The following MINDY3 variants were observed in gnomAD, a reference collection of about 807,000 sequenced individuals.
MINDY3 encodes the protein ubiquitin carboxyl-terminal hydrolase MINDY-3.
A neutral mutation model predicts 69.2 loss-of-function variants in MINDY3; 38 were observed. The observed-to-expected ratio is 0.55, with a 90% CI of 0.42 to 0.72. The LOEUF is 0.72. Among genes scored for constraint, MINDY3 ranks in the 30% least tolerant of loss-of-function variants. The probability of loss-of-function intolerance (pLI) is 0.00; values close to 1 mark genes in which losing one functional copy is unlikely to be tolerated. For missense variants in MINDY3, 522 were observed against 519.0 expected (o/e 1.01, Z -0.06); for synonymous variants, 192 against 180.1 (o/e 1.07, Z -0.53).
chr10:15,826,118 C>T (rs972058955), intron 8 of MINDY3, among the ~76,000 whole-genome samples: 7 of 151,946 alleles, frequency 4.6e-5, no homozygotes, highest in South Asian at 2.1e-4. Context: ...TGGAATAGTA[C>T]GAAATGAAGA....
rs1027300808 is a variant in MINDY3, at chr10:15,841,830, A to G, written c.236-231T>C. The stretch of plus-strand genomic sequence containing the variant: ...AAATAACACCACCAAGTAGAAAAAG[A>G]ATACTGAAAAATGCAGAACTAAACA... On this transcript the variant is annotated intron_variant, in intron 3 of 14. Coordinates refer to ENST00000277632, the MANE Select transcript of MINDY3 (RefSeq NM_024948.4). Among the ~76,000 whole-genome samples, 3 of 151,776 alleles carry G rather than the reference A, an allele frequency of 2.0e-5. 1 individual carries two copies. Among genetic ancestry groups the G allele is most frequent in the Admixed American group, 2.0e-4 (3 of 15,230 alleles).
At chr10:15,781,077 T>A (rs1276742701) in intron 14 of MINDY3, among the ~76,000 whole-genome samples, 1 of 152,164 alleles carries the variant, frequency 6.6e-6, no homozygotes, top group African/African-American at 2.4e-5. Flanking sequence ...AAACTCTAGA[T>A]GAAGCACTCA....
At chr10:15,811,659 C>T (rs1264982607) in intron 10 of MINDY3, among the ~76,000 whole-genome samples, 1 of 152,080 alleles carries the variant, frequency 6.6e-6, no homozygotes, top group Non-Finnish European at 1.5e-5. Flanking sequence ...TCAATTTGTG[C>T]TTCATCTTAC....
intron 11 of MINDY3, 104 bp downstream of exon 11, chr10:15,795,996 T>G: frequency 1.1e-6 from 1 of 886,234 alleles, no homozygotes; most frequent in Non-Finnish European, 1.8e-6. Flanking sequence ...AACTTACATT[T>G]CATTAAATAA....
At chr10:15,853,923 A>T (rs1388233197) in intron 1 of MINDY3, among the ~76,000 whole-genome samples, 5 of 152,072 alleles carry the variant, frequency 3.3e-5, no homozygotes, top group Admixed American at 3.3e-4. Context: ...CACTACTGTG[A>T]CTCTGACAGC....
chr10:15,815,603 G>A (rs1839299643), intron 10 of MINDY3, among the ~76,000 whole-genome samples: 1 of 152,094 alleles, frequency 6.6e-6, no homozygotes, highest in South Asian at 2.1e-4. Flanking sequence ...CGAACATTCA[G>A]CAACCTATCA....
intron 11 of MINDY3, among the ~76,000 whole-genome samples, chr10:15,793,252 C>G (rs143870484): frequency 2.0e-5 from 3 of 152,220 alleles, no homozygotes; most frequent in Non-Finnish European, 4.4e-5. Flanking sequence ...TTGAATAGAC[C>G]TGATAACTGC....
intron 9 of MINDY3, among the ~76,000 whole-genome samples, chr10:15,818,264 T>C (rs1211479931): frequency 5.3e-5 from 8 of 151,922 alleles, no homozygotes; most frequent in Non-Finnish European, 1.2e-4. Flanking sequence ...GGTGAAGAGA[T>C]TAGATATTAA....
chr10:15,847,013 G>A (rs1442390065), intron 2 of MINDY3, among the ~76,000 whole-genome samples: 2 of 152,240 alleles, frequency 1.3e-5, no homozygotes, highest in South Asian at 4.1e-4. Context: ...GCGAGCCACC[G>A]TGCCTGGCCA....
At chr10:15,850,025 G>A (rs553628895) in intron 1 of MINDY3, among the ~76,000 whole-genome samples, 1 of 152,272 alleles carries the variant, frequency 6.6e-6, no homozygotes, top group South Asian at 2.1e-4. Flanking sequence ...AATATAAATC[G>A]TGAAGATTTC....
chr10:15,836,830 T>C (rs912480030), intron 6 of MINDY3, among the ~76,000 whole-genome samples: 12 of 151,162 alleles, frequency 7.9e-5, no homozygotes, highest in Non-Finnish European at 1.3e-4. Context: ...TGAGACATTA[T>C]AGAAAGAAAA....
chr10:15,805,834 C>T (rs978404035), intron 10 of MINDY3, among the ~76,000 whole-genome samples: 2 of 152,120 alleles, frequency 1.3e-5, no homozygotes, highest in East Asian at 1.9e-4. Flanking sequence ...AAAAGAGACA[C>T]GTGGAGCACA....
intron 8 of MINDY3, among the ~76,000 whole-genome samples, chr10:15,830,223 T>C (rs1052076720): frequency 6.6e-6 from 1 of 152,192 alleles, no homozygotes; most frequent in African/African-American, 2.4e-5. Context: ...TCCCAGTTAA[T>C]TGTGATGTGC....
intron 4 of MINDY3, among the ~76,000 whole-genome samples, chr10:15,840,921 A>G (rs7342102): frequency 0.16 from 24,786 of 151,518 alleles, 5,075 homozygotes; most frequent in African/African-American, 0.48. Flanking sequence ...AACTTAAGGC[A>G]TAATTAAAAT....
intron 12 of MINDY3, chr10:15,788,870 G>A (rs966089859): frequency 6.4e-6 from 1 of 156,044 alleles, no homozygotes. Flanking sequence ...TCAGAGGCCT[G>A]CTGGTTATTT....
At chr10:15,859,467 T>C (rs566723128) in intron 1 of MINDY3, among the ~76,000 whole-genome samples, 20 of 152,272 alleles carry the variant, frequency 1.3e-4, no homozygotes, top group African/African-American at 4.8e-4. Context: ...GTTACTAGTA[T>C]AAAGCGCCCA....
chr10:15,788,944 C>A, intron 12 of MINDY3: 1 of 222,696 alleles, frequency 4.5e-6, no homozygotes, highest in Non-Finnish European at 9.1e-6. Context: ...ACTAATGTCA[C>A]ATAAAATTTT....
chr10:15,837,741 A>T (rs1588626358), intron 5 of MINDY3: 1 of 1,047,526 alleles, frequency 9.5e-7, no homozygotes. Context: ...GGCTTCTTTT[A>T]AAAGAAATTA....
At chr10:15,844,707 T>G (rs1333463441) in intron 2 of MINDY3, among the ~76,000 whole-genome samples, 1 of 152,222 alleles carries the variant, frequency 6.6e-6, no homozygotes, top group African/African-American at 2.4e-5. Flanking sequence ...GAATCTGCAC[T>G]GTCATGGTTC....
Sources: gnomAD v4.1 joint callset for allele counts (sites outside exome capture counted in the v4.1 genomes callset) on GRCh38, gnomAD v4.1.1 for gene constraint, MANE v1.5 for transcripts, NCBI Gene and HGNC (gene_info 2026-07-23, HGNC 2026-07-21) for gene names.